Variants in BACH2 observed in about 807,000 individuals in gnomAD.
The protein encoded by BACH2 is transcription regulator protein BACH2.
BACH2 carries 5 observed loss-of-function variants against 61.8 expected under a neutral mutation model. That is an observed-to-expected ratio of 0.08 (90% CI 0.04 to 0.17). The LOEUF (loss-of-function observed/expected upper bound fraction) is 0.17, where lower values mean the gene tolerates loss of function less well. BACH2 is among the 10% of genes least tolerant of loss of function. The probability of loss-of-function intolerance (pLI) is 1.00; values close to 1 mark genes in which losing one functional copy is unlikely to be tolerated. For missense variants in BACH2, 824 were observed against 1,091.1 expected, an observed-to-expected ratio of 0.76 and a Z score of 3.45; for synonymous variants, 446 against 440.1, an observed-to-expected ratio of 1.01 and a Z score of -0.17.
intron 1 of BACH2, among the ~76,000 whole-genome samples, chr6:90,292,917 C>T (rs999193807): frequency 6.6e-6 from 1 of 152,196 alleles, no homozygotes; most frequent in Non-Finnish European, 1.5e-5. Context: ...GCCAGTAGTC[C>T]TACCAACTGT....
At chr6:90,046,699 C>T (rs1779794833) in intron 5 of BACH2, among the ~76,000 whole-genome samples, 1 of 152,144 alleles carries the variant, frequency 6.6e-6, no homozygotes, top group Non-Finnish European at 1.5e-5. Flanking sequence ...ATTCCATGGG[C>T]TCTTTCAGAT....
chr6:90,105,405 TC>T (rs1383100776), intron 4 of BACH2, among the ~76,000 whole-genome samples: 3 of 152,220 alleles, frequency 2.0e-5, no homozygotes, highest in African/African-American at 7.2e-5. Context: ...CCTAACACTT[TC>T]ATCTCTTGTG....
At chr6:89,990,402 C>T (rs925094351) in intron 6 of BACH2, among the ~76,000 whole-genome samples, 3 of 152,154 alleles carry the variant, frequency 2.0e-5, no homozygotes, top group East Asian at 1.9e-4. Context: ...TTTTCATCCA[C>T]TAGACTCTTT....
At chr6:90,102,846 A>C (rs2127812560) in intron 4 of BACH2, among the ~76,000 whole-genome samples, 1 of 145,882 alleles carries the variant, frequency 6.9e-6, no homozygotes, top group African/African-American at 2.5e-5. Context: ...TAATAAAAAT[A>C]AAAGGACCTT....
At chr6:90,137,344 GGAGT>G (rs1221750725) in intron 4 of BACH2, among the ~76,000 whole-genome samples, 1 of 152,016 alleles carries the variant, frequency 6.6e-6, no homozygotes, top group Non-Finnish European at 1.5e-5. Context: ...TGTTTCTGCT[GGAGT>G]GAGAAAAAAC....
At chr6:90,152,006 T>G (rs1048905351) in intron 4 of BACH2, among the ~76,000 whole-genome samples, 1 of 152,246 alleles carries the variant, frequency 6.6e-6, no homozygotes, top group Non-Finnish European at 1.5e-5. Flanking sequence ...ATTTGCACTT[T>G]AAACAATAAA....
Position 90,211,588 on chromosome 6 carries a change from CTGTGTGTGTGTGTGTGTG to C in BACH2, c.-274-4925_-274-4908del, listed in dbSNP as rs3072674. Among the ~76,000 whole-genome samples the C allele has an allele frequency of 7.6e-5, 11 of 144,138 alleles. No individual in the cohort carries two copies. The South Asian group carries it at 1.4e-3, about 18-fold the overall frequency. The allele number at this position is 144,138 out of a possible 152,430, so 94.6% of individuals were successfully genotyped here. A position where few individuals can be genotyped will look rare whatever the true frequency, so the allele number is the denominator to read the frequency against. The stretch of plus-strand genomic sequence containing the variant: ...AAGAGAAGCTTAAAAGTGTCAAGGG[CTGTGTGTGTGTGTGTGTG>C]TGTGTGTGTGTGTGTGTGTGTGTGT... On this transcript the variant is annotated intron_variant, in intron 3 of 8. Coordinates refer to ENST00000257749, the MANE Select transcript of BACH2 (RefSeq NM_021813.4).
intron 4 of BACH2, among the ~76,000 whole-genome samples, chr6:90,198,292 T>C (rs1180475615): frequency 1.3e-5 from 2 of 152,184 alleles, no homozygotes; most frequent in Non-Finnish European, 2.9e-5. Flanking sequence ...AATAAAGCCA[T>C]GTTGAAATGC....
At chr6:90,162,441 C>T (rs1301714139) in intron 4 of BACH2, among the ~76,000 whole-genome samples, 2 of 151,986 alleles carry the variant, frequency 1.3e-5, no homozygotes, top group African/African-American at 4.8e-5. Context: ...GAGTTCAAGA[C>T]CAGTCTGGGC....
At chr6:90,222,324 T>C (rs1001989736) in intron 3 of BACH2, among the ~76,000 whole-genome samples, 9 of 152,280 alleles carry the variant, frequency 5.9e-5, no homozygotes, top group African/African-American at 1.7e-4. Flanking sequence ...AGCAGAAACA[T>C]TGGGTCTGGG....
chr6:90,080,170 A>G (rs1280086013), intron 5 of BACH2, among the ~76,000 whole-genome samples: 2 of 152,180 alleles, frequency 1.3e-5, no homozygotes, highest in Non-Finnish European at 2.9e-5. Context: ...GGTATTTTAA[A>G]AGTTCTTCAA....
chr6:89,986,903 CTT>C (rs1225032763), intron 6 of BACH2, among the ~76,000 whole-genome samples: 2 of 152,136 alleles, frequency 1.3e-5, no homozygotes, highest in African/African-American at 4.8e-5. Flanking sequence ...TTAGGTCACT[CTT>C]TGAATGATAC....
At chr6:90,132,693 C>G (rs1405969293) in intron 4 of BACH2, among the ~76,000 whole-genome samples, 1 of 152,200 alleles carries the variant, frequency 6.6e-6, no homozygotes, top group African/African-American at 2.4e-5. Context: ...AGCAACCTGT[C>G]AGGGACACCA....
chr6:89,942,158 T>C (rs556058286), intron 7 of BACH2, among the ~76,000 whole-genome samples: 4 of 140,090 alleles, frequency 2.9e-5, no homozygotes, highest in East Asian at 2.5e-4. Context: ...TTCACTGACA[T>C]GCGGGGGTCT....
intron 4 of BACH2, among the ~76,000 whole-genome samples, chr6:90,103,640 C>T (rs1037852993): frequency 5.9e-5 from 9 of 152,066 alleles, no homozygotes; most frequent in African/African-American, 2.2e-4. Context: ...CTGGGTGATG[C>T]TTTTTTGTTT....
chr6:89,976,128 C>T (rs183391710), intron 6 of BACH2, among the ~76,000 whole-genome samples: 13 of 152,302 alleles, frequency 8.5e-5, no homozygotes, highest in African/African-American at 1.4e-4. Flanking sequence ...CAAGATCGCC[C>T]GCTGTTCTGA....
chr6:90,080,823 G>A, intron 5 of BACH2: 2 of 959,858 alleles, frequency 2.1e-6, no homozygotes, highest in Non-Finnish European at 2.5e-6. Context: ...GTTAGCACAT[G>A]CCCTGCAGAG....
At chr6:90,055,678 T>G (rs1335461842) in intron 5 of BACH2, among the ~76,000 whole-genome samples, 1 of 149,914 alleles carries the variant, frequency 6.7e-6, no homozygotes, top group African/African-American at 2.5e-5. Flanking sequence ...TTGTCAAGAT[T>G]CACCAAAGTT....
At chr6:90,221,756 A>G (rs1258786279) in intron 3 of BACH2, among the ~76,000 whole-genome samples, 1 of 152,162 alleles carries the variant, frequency 6.6e-6, no homozygotes, top group Non-Finnish European at 1.5e-5. Context: ...AAAAGGAGGG[A>G]CATTTCAGAA....
Sources: gnomAD v4.1 joint callset for allele counts (sites outside exome capture counted in the v4.1 genomes callset) on GRCh38, gnomAD v4.1.1 for gene constraint, MANE v1.5 for transcripts, NCBI Gene and HGNC (gene_info 2026-07-23, HGNC 2026-07-21) for gene names.